The following CLK2 variants were observed in gnomAD, a reference collection of about 807,000 sequenced individuals.
The protein encoded by CLK2 is CDC like kinase 2.
Under a neutral mutation model 73.5 loss-of-function variants are expected in CLK2, and 12 were observed. That is an observed-to-expected ratio of 0.16 (90% CI 0.10 to 0.26). CLK2 has a LOEUF of 0.26. CLK2 is among the 10% of genes least tolerant of loss of function. CLK2 has a pLI of 1.00. For missense variants in CLK2, 509 were observed against 688.4 expected, an observed-to-expected ratio of 0.74 and a Z score of 2.92; for synonymous variants, 232 against 237.9, an observed-to-expected ratio of 0.98 and a Z score of 0.23.
Position 155,264,493 on chromosome 1 carries a change from T to C in CLK2, c.1121A>G (p.Tyr374Cys). Reference protein sequence around the residue: ...VWSIGCIIFEYYVGFTLFQTH... With the variant: ...VWSIGCIIFECYVGFTLFQTH... ...CTGGAAGAGGGTGAATCCCACATAG[T>C]ATTCAAAGATGATGCAGCCTATACT... The change falls in exon 10 of 13, where the codon TAC becomes TGC. Residue 374 changes from tyrosine (Y) to cysteine (C), a missense_variant. Physicochemically the swap from Tyr to Cys is radical, Grantham distance 194. Transcript: ENST00000368361. 1 of 1,614,034 alleles carries C rather than the reference T, an allele frequency of 6.2e-7. No individual in the cohort carries two copies. Among genetic ancestry groups the C allele is most frequent in the Non-Finnish European group, 8.5e-7 (1 of 1,179,942 alleles).
intron 1 of CLK2, among the ~76,000 whole-genome samples, chr1:155,271,793 T>C (rs1193313844): frequency 1.3e-5 from 2 of 152,130 alleles, no homozygotes; most frequent in Non-Finnish European, 2.9e-5. Flanking sequence ...GTCCTGAGGG[T>C]AGGAATCCAG....
chr1:155,269,691 G>T lies in CLK2; in HGVS notation c.196C>A (p.Arg66=). 1.9e-6 allele frequency: 3 copies of T among 1,614,188 alleles called. No individual in the cohort carries two copies. Among genetic ancestry groups the T allele is most frequent in the Non-Finnish European group, 2.5e-6 (3 of 1,180,040 alleles). ...RSSYDDRSSD[R]RVYDRRYCGS... ...CAGTATCGCCGGTCATACACCCTCC[G>T]GTCGGACGAACGATCATCATAACTG... Residue 66 remains arginine (R), a synonymous_variant, in exon 3 of 13, where the codon CGG becomes AGG. Coordinates refer to ENST00000368361, the MANE Select transcript of CLK2 (RefSeq NM_001294338.2).
Position 155,273,380 on chromosome 1 carries a change from G to C in CLK2, c.-180C>G, listed in dbSNP as rs1450680829. Reference sequence around the variant, plus strand: ...CTTCAGTCCCGCCCGCCCCGGCTCCGTCCCCGCCCCTAAGATCTGCTTGGC... The same window carrying C: ...CTTCAGTCCCGCCCGCCCCGGCTCCCTCCCCGCCCCTAAGATCTGCTTGGC... On this transcript the variant is annotated 5_prime_UTR_variant, in exon 1 of 13. Coordinates refer to ENST00000368361, the MANE Select transcript of CLK2 (RefSeq NM_001294338.2). 1 of 116,058 alleles carries C rather than the reference G, an allele frequency of 8.6e-6. No individual in the cohort carries two copies. Among genetic ancestry groups the C allele is most frequent in the Non-Finnish European group, 1.8e-5 (1 of 55,216 alleles). 7.2% of individuals were successfully genotyped at this position (116,058 alleles called of 1,614,324 possible).
chr1:155,266,164 G>GT (rs1673224012), intron 7 of CLK2, among the ~76,000 whole-genome samples: 1 of 101,162 alleles, frequency 9.9e-6, no homozygotes, highest in Non-Finnish European at 2.9e-5. Flanking sequence ...CTCAACTGAT[G>GT]TAAAAAAAAA....
intron 12 of CLK2, 147 bp from the exon 13 acceptor site, chr1:155,263,547 G>A (rs773683868): frequency 1.5e-5 from 21 of 1,437,786 alleles, no homozygotes; most frequent in Non-Finnish European, 1.6e-5. Context: ...CAGGACCAAC[G>A]TTTCTGATAT....
chr1:155,267,007 C>A, intron 6 of CLK2, 112 bp from the exon 7 acceptor site: 1 of 1,248,474 alleles, frequency 8.0e-7, no homozygotes, highest in Non-Finnish European at 1.1e-6. Context: ...TGTGTAAAAC[C>A]ATGCCAGCTA....
intron 8 of CLK2, 111 bp from the exon 9 acceptor site, chr1:155,264,885 C>T (rs1572012686): frequency 1.5e-5 from 20 of 1,320,824 alleles, no homozygotes; most frequent in Non-Finnish European, 2.0e-5. Flanking sequence ...TCCTGCCTGG[C>T]CTTACAAGCC....
At chr1:155,269,042 G>T in intron 3 of CLK2, 1 of 597,532 alleles carries the variant, frequency 1.7e-6, no homozygotes, top group Non-Finnish European at 3.0e-6. Context: ...GCAGAGCAGA[G>T]AAGTGGTGTT....
Position 155,270,821 on chromosome 1 carries a change from C to T in CLK2, c.157G>A (p.Val53Ile). The change falls in exon 2 of 13, where the codon GTC (valine) becomes ATC (isoleucine). Residue 53 changes from valine to isoleucine, a missense_variant. By Grantham distance (29) the Val-to-Ile change is conservative. Transcript: ENST00000368361. ...CTGAGGCCTCACCTTCGAGAACGGA[C>T]ATGGTAGCTGTCCTCTCGCCGACGC... ...RRRRREDSYHVRSRSSYDDRS... is the reference protein window; with the variant it reads ...RRRRREDSYHIRSRSSYDDRS... 1 of 1,608,220 alleles carries T rather than the reference C, an allele frequency of 6.2e-7. No individual in the cohort carries two copies.
intron 10 of CLK2, 45 bp downstream of exon 10, chr1:155,264,423 G>T: frequency 6.2e-7 from 1 of 1,607,932 alleles, no homozygotes; most frequent in Non-Finnish European, 8.5e-7. Flanking sequence ...AAAGGAACCA[G>T]GTAGAAGAAT....
At chr1:155,266,661 A>C in intron 7 of CLK2, 68 bp downstream of exon 7, 1 of 1,539,432 alleles carries the variant, frequency 6.5e-7, no homozygotes, top group Non-Finnish European at 8.8e-7. Flanking sequence ...TCACCAGTGC[A>C]CAACCGACAG....
At chr1:155,272,759 G>A (rs550836783) in intron 1 of CLK2, among the ~76,000 whole-genome samples, 15 of 152,264 alleles carry the variant, frequency 9.9e-5, no homozygotes, top group African/African-American at 3.6e-4. Context: ...TCACAGCACT[G>A]TCCCCTCAAA....
intron 6 of CLK2, among the ~76,000 whole-genome samples, chr1:155,267,254 G>A (rs1240796904): frequency 3.3e-5 from 5 of 151,964 alleles, no homozygotes; most frequent in South Asian, 2.1e-4. Context: ...CACCATGCCC[G>A]GCTAATTTTT....
chr1:155,271,840 ATAC>A (rs1673524129), intron 1 of CLK2, among the ~76,000 whole-genome samples: 1 of 152,112 alleles, frequency 6.6e-6, no homozygotes, highest in Non-Finnish European at 1.5e-5. Flanking sequence ...TAAACGCCAA[ATAC>A]TATCAGCTCC....
chr1:155,269,671 T>C lies in CLK2; in HGVS notation c.216A>G (p.Arg72=), dbSNP rs1355124888. ...RSSDRRVYDR[R]YCGSYRRNDY... is the part of the protein sequence containing the mutation. Reference sequence around the variant, plus strand: ...CGTTGCGTCTGTAGCTGCCACAGTATCGCCGGTCATACACCCTCCGGTCGG... The same window carrying C: ...CGTTGCGTCTGTAGCTGCCACAGTACCGCCGGTCATACACCCTCCGGTCGG... Residue 72 remains arginine, a synonymous_variant, in exon 3 of 13, where the codon CGA becomes CGG. Transcript: ENST00000368361. The C allele has an allele frequency of 6.2e-7, 1 of 1,614,212 alleles. No homozygotes were observed. The highest frequency in any genetic ancestry group is 1.1e-5 in the South Asian group (1 of 91,086).
chr1:155,266,534 G>A (rs1361127659), intron 7 of CLK2, among the ~76,000 whole-genome samples, 195 bp downstream of exon 7: 1 of 152,250 alleles, frequency 6.6e-6, no homozygotes, highest in Non-Finnish European at 1.5e-5. Context: ...GCTAGGTGTA[G>A]AGTAAGAGCA....
rs761451487 is a variant in CLK2 at position 155,268,246 on chromosome 1, C to T, written c.554+47G>A. 187 of 1,594,298 alleles carry T rather than the reference C, an allele frequency of 1.2e-4. 1 individual carries two copies. In the South Asian group the frequency reaches 2.0e-3, roughly 17 times the overall value. ...ATTAGCAAAAAAGCCCCATATAACC[C>T]CAACCATCTCTTTAGCCCCACATAG... On this transcript the variant is annotated intron_variant, in intron 5 of 12. Transcript: ENST00000368361. This position sits in a 1 kb window ranked among gnomAD's most constrained non-coding sequence, Gnocchi z 5.6.
intron 2 of CLK2, 116 bp from the exon 3 acceptor site, chr1:155,269,832 A>G: frequency 1.0e-6 from 1 of 953,258 alleles, no homozygotes; most frequent in East Asian, 2.5e-5. Flanking sequence ...AACTGTTCTC[A>G]GACACTTGTT....
chr1:155,272,075 G>A (rs773283329), intron 1 of CLK2, among the ~76,000 whole-genome samples: 3 of 148,290 alleles, frequency 2.0e-5, no homozygotes, highest in Admixed American at 6.8e-5. Context: ...GGAGTGCAAT[G>A]GCGCAATCTC....
Sources: allele counts gnomAD v4.1 joint callset (sites outside exome capture counted in the v4.1 genomes callset), GRCh38; gene constraint gnomAD v4.1.1; non-coding constraint Gnocchi (gnomAD v3.1); transcripts MANE v1.5; gene names NCBI Gene and HGNC (gene_info 2026-07-23, HGNC 2026-07-21).